RANBP2: variants seen among roughly 807,000 people sequenced by gnomAD.
The protein encoded by RANBP2 is RAN binding protein 2.
Under a neutral mutation model 303.6 loss-of-function variants are expected in RANBP2, and 57 were observed. That is an observed-to-expected ratio of 0.19 (90% confidence interval 0.15 to 0.23). RANBP2 has a LOEUF of 0.23. Among genes scored for constraint, RANBP2 ranks in the 10% least tolerant of loss-of-function variants. RANBP2 has a pLI of 1.00. For synonymous variants in RANBP2, 1,167 were observed against 1,301.5 expected, an observed-to-expected ratio of 0.90 and a Z score of 2.23; for missense variants, 3,138 against 3,780.8, an observed-to-expected ratio of 0.83 and a Z score of 4.46.
the RANBP2 span, among the ~76,000 whole-genome samples, chr2:109,368,721 AAAG>A: frequency 5.5e-5 from 8 of 146,382 alleles, no homozygotes; most frequent in Admixed American, 1.3e-4. Context: ...AAAAAAAAAA[AAAG>A]AAAAAGAAAA....
At position 108,763,401 on chromosome 2, in the gene RANBP2, A is replaced by G. The variant is rs374697321; in HGVS notation, c.2862A>G (p.Leu954=). The G allele has an allele frequency of 9.3e-6, 15 of 1,613,870 alleles. No homozygotes were observed. Among genetic ancestry groups the G allele is most frequent in the Non-Finnish European group, 1.3e-5 (15 of 1,179,970 alleles). ...LRFESPATGI[L]SPRGDDYFNY... ...TTGAGTCTCCTGCAACGGGAATTCT[A>G]TCGCCCAGGGGTGATGATTACTTTA... The change falls in exon 20 of 29, where the codon CTA becomes CTG. Residue 954 remains leucine (L), a synonymous_variant. Transcript: ENST00000283195.
the RANBP2 span, among the ~76,000 whole-genome samples, chr2:109,416,732 T>A: frequency 6.6e-6 from 1 of 151,488 alleles, no homozygotes; most frequent in Non-Finnish European, 1.5e-5. Flanking sequence ...TCTGTCTCAA[T>A]ACAACAACAA....
the RANBP2 span, chr2:109,436,909 G>C: frequency 6.2e-7 from 1 of 1,613,494 alleles, no homozygotes; most frequent in Non-Finnish European, 8.5e-7. Context: ...TGCAGGAGGG[G>C]CAGGGCCGCC....
At chr2:109,288,665 A>G in the RANBP2 span, among the ~76,000 whole-genome samples, 3 of 152,216 alleles carry the variant, frequency 2.0e-5, no homozygotes, top group Non-Finnish European at 2.9e-5. Context: ...TTTTCACTCA[A>G]TTACGTTTTT....
At chr2:108,762,925 A>C (rs1676837004) in intron 19 of RANBP2, among the ~76,000 whole-genome samples, 1 of 152,156 alleles carries the variant, frequency 6.6e-6, no homozygotes, top group African/African-American at 2.4e-5. Flanking sequence ...TTATATGCCA[A>C]GTATATATGC....
chr2:109,602,698 AG>A, the RANBP2 span, among the ~76,000 whole-genome samples: 3 of 150,372 alleles, frequency 2.0e-5, no homozygotes, highest in African/African-American at 7.3e-5. Context: ...AAAAAAAAAA[AG>A]GATTACTAGA....
At chr2:109,039,996 T>G in the RANBP2 span, among the ~76,000 whole-genome samples, 2 of 152,218 alleles carry the variant, frequency 1.3e-5, no homozygotes, top group African/African-American at 4.8e-5. Flanking sequence ...TGTCAGTCTT[T>G]CCTTAAGTTA....
chr2:108,751,323 A>C lies in RANBP2; in HGVS notation c.1333A>C (p.Asn445His), dbSNP rs1253090240. ...CCTTACTTGGCTTGGCTTACAGTGGAATTCATTGCCTGCTTTACCTGGAAT... is the reference window on the plus strand; with the variant it reads ...CCTTACTTGGCTTGGCTTACAGTGGCATTCATTGCCTGCTTTACCTGGAAT... ...QHLTWLGLQW[N>H]SLPALPGIRK... is the part of the protein sequence containing the mutation. Residue 445 changes from asparagine to histidine, a missense_variant, in exon 10 of 29, where the codon AAT becomes CAT. This residue lies in a region of RANBP2 where 162 missense variants were observed against 286.9 expected (regional missense o/e 0.56). Coordinates refer to ENST00000283195, the MANE Select transcript of RANBP2 (RefSeq NM_006267.5). 1 of 1,611,822 alleles carries C rather than the reference A, an allele frequency of 6.2e-7. No individual in the cohort carries two copies. Among genetic ancestry groups the C allele is most frequent in the Non-Finnish European group, 8.5e-7 (1 of 1,179,840 alleles).
intron 25 of RANBP2, among the ~76,000 whole-genome samples, chr2:108,778,280 C>T (rs1332181502): frequency 1.3e-5 from 2 of 152,228 alleles, no homozygotes; most frequent in African/African-American, 2.4e-5. Flanking sequence ...TTAACATTCA[C>T]TTCTCACTAC....
chr2:108,754,976 A>G lies in RANBP2; in HGVS notation c.2274A>G (p.Glu758=). Residue 758 remains glutamate (E), a synonymous_variant, in exon 16 of 29, where the codon GAA becomes GAG. Transcript: ENST00000283195. ...SVMQELEDYS[E]GGPLYKNGSL... Reference sequence around the variant, plus strand: ...TGCAGGAACTCGAAGACTATAGTGAAGGAGGTCCTCTCTATAAAAATGGTT... The same window carrying G: ...TGCAGGAACTCGAAGACTATAGTGAGGGAGGTCCTCTCTATAAAAATGGTT... 1 of 1,611,904 alleles carries G rather than the reference A, an allele frequency of 6.2e-7. No individual in the cohort carries two copies. The highest frequency in any genetic ancestry group is 8.5e-7 in the Non-Finnish European group (1 of 1,179,816).
chr2:109,121,249 TAAAACAAAACAAAAC>T, the RANBP2 span, among the ~76,000 whole-genome samples: 250 of 148,734 alleles, frequency 1.7e-3, no homozygotes, highest in East Asian at 6.9e-3. Flanking sequence ...TCCATCTCTC[TAAAACAAAACAAAAC>T]AAAACAAAAC....
At chr2:109,465,076 T>C in the RANBP2 span, among the ~76,000 whole-genome samples, 1 of 152,266 alleles carries the variant, frequency 6.6e-6, no homozygotes, top group Non-Finnish European at 1.5e-5. Context: ...CACAATGTTG[T>C]AGCCTTTTTG....
At chr2:108,910,887 C>T in the RANBP2 span, 5,847 of 1,613,978 alleles carry the variant, frequency 3.6e-3, 182 homozygotes, top group African/African-American at 0.068. Context: ...CCAGGCTCTC[C>T]GACAGGGGGA....
the RANBP2 span, among the ~76,000 whole-genome samples, chr2:109,534,624 A>G: frequency 2.0e-5 from 3 of 152,262 alleles, no homozygotes; most frequent in East Asian, 5.8e-4. Flanking sequence ...TACTAAAAAC[A>G]CAAAAATTAG....
At chr2:109,718,224 C>T in the RANBP2 span, among the ~76,000 whole-genome samples, 12 of 152,188 alleles carry the variant, frequency 7.9e-5, no homozygotes, top group East Asian at 2.3e-3. Context: ...AAGGTATGAA[C>T]CCAAGAGACA....
the RANBP2 span, among the ~76,000 whole-genome samples, chr2:108,940,581 G>A: frequency 6.6e-6 from 1 of 152,252 alleles, no homozygotes; most frequent in Non-Finnish European, 1.5e-5. Context: ...CAGGCTCTCT[G>A]CTCCTCCTCT....
the RANBP2 span, among the ~76,000 whole-genome samples, chr2:109,743,491 A>G: frequency 6.8e-6 from 1 of 146,014 alleles, no homozygotes; most frequent in Non-Finnish European, 1.5e-5. Flanking sequence ...AAAAATAACA[A>G]TTGCTGTTCT....
At chr2:109,554,253 C>A in the RANBP2 span, among the ~76,000 whole-genome samples, 4 of 152,140 alleles carry the variant, frequency 2.6e-5, no homozygotes, top group Non-Finnish European at 5.9e-5. Flanking sequence ...TCACCTCCTA[C>A]CACGATGTAA....
chr2:109,303,117 CCGT>C, the RANBP2 span, among the ~76,000 whole-genome samples: 4 of 152,190 alleles, frequency 2.6e-5, no homozygotes, highest in African/African-American at 4.8e-5. Context: ...CTCAGGTGAT[CCGT>C]CCGCCTCAGC....
Sources: allele counts gnomAD v4.1 joint callset (sites outside exome capture counted in the v4.1 genomes callset), GRCh38; gene constraint gnomAD v4.1.1; regional missense constraint gnomAD v4.1.1; transcripts MANE v1.5; gene names NCBI Gene and HGNC (gene_info 2026-07-23, HGNC 2026-07-21).